The following NTRK3 variants were observed in gnomAD, a reference collection of about 807,000 sequenced individuals.
NTRK3 encodes the protein neurotrophic receptor tyrosine kinase 3.
NTRK3 carries 24 observed loss-of-function variants against 91.7 expected under a neutral mutation model. That is an observed-to-expected ratio of 0.26 (90% CI 0.19 to 0.37). NTRK3 has a LOEUF of 0.37. Among genes scored for constraint, NTRK3 ranks in the 10% least tolerant of loss-of-function variants. The probability of loss-of-function intolerance (pLI) is 1.00; values close to 1 mark genes in which losing one functional copy is unlikely to be tolerated. For missense variants in NTRK3, 880 were observed against 1,068.9 expected (o/e 0.82, Z 2.46); for synonymous variants, 483 against 404.0 (o/e 1.20, Z -2.34).
At chr15:88,083,858 C>T (rs932820577) in intron 13 of NTRK3, among the ~76,000 whole-genome samples, 3 of 152,114 alleles carry the variant, frequency 2.0e-5, no homozygotes, top group Non-Finnish European at 4.4e-5. Context: ...CCTATTATCA[C>T]GGTAGGGAAA....
At chr15:88,089,670 C>A (rs956502637) in intron 13 of NTRK3, among the ~76,000 whole-genome samples, 3 of 152,174 alleles carry the variant, frequency 2.0e-5, no homozygotes, top group African/African-American at 7.2e-5. Flanking sequence ...ACACAGCCTC[C>A]TGACCCTCCT....
chr15:87,919,552 CAT>C (rs1461855484), intron 17 of NTRK3, among the ~76,000 whole-genome samples: 5 of 152,130 alleles, frequency 3.3e-5, no homozygotes, highest in Admixed American at 6.5e-5. Flanking sequence ...ACATTACCAC[CAT>C]ATTGAAATAA....
At chr15:88,137,329 T>C (rs984945653) in intron 7 of NTRK3, 75 bp downstream of exon 7, 10 of 1,565,694 alleles carry the variant, frequency 6.4e-6, no homozygotes, top group Middle Eastern at 2.2e-4. Flanking sequence ...CATCCCAAGG[T>C]AACGTCCAGC....
intron 13 of NTRK3, among the ~76,000 whole-genome samples, chr15:88,101,608 C>G (rs374817734): frequency 3.4e-4 from 52 of 152,244 alleles, no homozygotes; most frequent in African/African-American, 5.5e-4. Context: ...CAAAGACTTG[C>G]AACCAACCCA....
chr15:87,950,435 C>A (rs2070995151), intron 14 of NTRK3, among the ~76,000 whole-genome samples: 1 of 152,116 alleles, frequency 6.6e-6, no homozygotes. Context: ...AAAAGAGAGG[C>A]AGCAGCACCC....
exon 19 of NTRK3, chr15:87,875,381 G>GGGCCTCCTC: frequency 4.3e-6 from 1 of 231,616 alleles, no homozygotes; most frequent in Non-Finnish European, 8.5e-6. Context: ...CGGCCCCACT[G>GGGCCTCCTC]TGGTATGTGG....
exon 19 of NTRK3, chr15:87,867,573 G>A (rs2064717629): frequency 4.4e-6 from 1 of 229,068 alleles, no homozygotes; most frequent in South Asian, 1.8e-4. Context: ...AATTAGAGGG[G>A]CACAGGACTG....
At chr15:88,166,636 G>A (rs1352705005) in intron 5 of NTRK3, among the ~76,000 whole-genome samples, 1 of 152,174 alleles carries the variant, frequency 6.6e-6, no homozygotes, top group Non-Finnish European at 1.5e-5. Context: ...CTCCCAAGAA[G>A]AAACAATTTT....
chr15:88,132,974 T>C (rs1484497857), intron 10 of NTRK3, among the ~76,000 whole-genome samples: 1 of 152,124 alleles, frequency 6.6e-6, no homozygotes, highest in Non-Finnish European at 1.5e-5. Context: ...TCCCACTCAA[T>C]TCCAGGGTAG....
intron 14 of NTRK3, 64 bp downstream of exon 14, chr15:88,032,793 A>G: frequency 6.3e-7 from 1 of 1,577,970 alleles, no homozygotes; most frequent in Non-Finnish European, 8.7e-7. Context: ...AACCCCAGGT[A>G]CATGGTCTAT....
chr15:88,024,199 G>C (rs1355339415), intron 14 of NTRK3, among the ~76,000 whole-genome samples: 1 of 152,204 alleles, frequency 6.6e-6, no homozygotes, highest in African/African-American at 2.4e-5. Flanking sequence ...TGCACACTCT[G>C]ATGTCCCAGC....
intron 7 of NTRK3, among the ~76,000 whole-genome samples, chr15:88,136,935 G>A (rs1297464488): frequency 6.6e-6 from 1 of 152,226 alleles, no homozygotes; most frequent in Non-Finnish European, 1.5e-5. Flanking sequence ...TATCTGAATA[G>A]TAGTGTTTCA....
At chr15:87,925,496 G>A (rs568210334) in intron 17 of NTRK3, 1 of 200,624 alleles carries the variant, frequency 5.0e-6, no homozygotes, top group African/African-American at 2.4e-5. Flanking sequence ...ACTTAGTGGT[G>A]TTAGGCATAA....
chr15:87,940,701 C>T (rs960296535), exon 15 of NTRK3: 8 of 1,614,024 alleles, frequency 5.0e-6, no homozygotes, highest in Admixed American at 3.3e-5. Context: ...CAAAGGCTCC[C>T]TCACCCAGTT....
At chr15:87,906,483 G>A (rs2066774207) in intron 17 of NTRK3, among the ~76,000 whole-genome samples, 1 of 152,154 alleles carries the variant, frequency 6.6e-6, no homozygotes, top group African/African-American at 2.4e-5. Context: ...TGGTGTCAGA[G>A]GGAGATGAAA....
chr15:87,881,999 G>A (rs1442012344), intron 17 of NTRK3, among the ~76,000 whole-genome samples: 2 of 152,012 alleles, frequency 1.3e-5, no homozygotes, highest in African/African-American at 4.8e-5. Context: ...GGGTTCAAGC[G>A]ATTCCCCTGC....
intron 8 of NTRK3, 83 bp from the exon 9 acceptor site, chr15:88,136,123 A>G: frequency 6.5e-7 from 1 of 1,534,442 alleles, no homozygotes; most frequent in East Asian, 2.2e-5. Flanking sequence ...ACCTTTAGGA[A>G]TCAAAAGGAA....
At chr15:87,906,433 A>G (rs533483997) in intron 17 of NTRK3, among the ~76,000 whole-genome samples, 1 of 152,260 alleles carries the variant, frequency 6.6e-6, no homozygotes, top group East Asian at 1.9e-4. Context: ...CCCCAAATAG[A>G]TGAATCCACA....
chr15:88,073,058 C>A (rs753580783), intron 13 of NTRK3, among the ~76,000 whole-genome samples: 5 of 152,174 alleles, frequency 3.3e-5, no homozygotes, highest in Non-Finnish European at 7.3e-5. Context: ...GTGAGACAGG[C>A]TTTGCTCTCA....
Sources: gnomAD v4.1 joint callset for allele counts (sites outside exome capture counted in the v4.1 genomes callset) on GRCh38, gnomAD v4.1.1 for gene constraint, MANE v1.5 for transcripts, NCBI Gene and HGNC (gene_info 2026-07-23, HGNC 2026-07-21) for gene names.